TM9SF3: variants seen among roughly 807,000 people sequenced by gnomAD.
TM9SF3 encodes transmembrane 9 superfamily member 3, also known as SM-11044-binding protein.
A neutral mutation model predicts 78.6 loss-of-function variants in TM9SF3; 14 were observed. That is an observed-to-expected ratio of 0.18 (90% CI 0.12 to 0.28). The LOEUF (loss-of-function observed/expected upper bound fraction) is 0.28, where lower values mean the gene tolerates loss of function less well. Among genes scored for constraint, TM9SF3 ranks in the 10% least tolerant of loss-of-function variants. The pLI, the probability that TM9SF3 is intolerant of heterozygous loss-of-function variation, is 1.00. For missense variants in TM9SF3, 496 were observed against 721.9 expected (o/e 0.69, Z 3.59); for synonymous variants, 231 against 241.7 (o/e 0.96, Z 0.41).
intron 9 of TM9SF3, among the ~76,000 whole-genome samples, chr10:96,539,827 A>C (rs185881220): frequency 0.013 from 1,962 of 152,308 alleles, 30 homozygotes; most frequent in Non-Finnish European, 0.016. Flanking sequence ...TCCAAAAAAA[A>C]AGAACAAAAA....
intron 9 of TM9SF3, among the ~76,000 whole-genome samples, chr10:96,540,349 T>A (rs1848007862): frequency 6.6e-6 from 1 of 152,166 alleles, no homozygotes; most frequent in East Asian, 1.9e-4. Flanking sequence ...GAAAAGTAAA[T>A]TTGCCCATCC....
chr10:96,542,681 T>C (rs1230087984), intron 9 of TM9SF3, among the ~76,000 whole-genome samples: 1 of 152,160 alleles, frequency 6.6e-6, no homozygotes, highest in Non-Finnish European at 1.5e-5. Flanking sequence ...ACTCACTCTA[T>C]GTACTTTCTG....
At position 96,521,181 on chromosome 10, in the gene TM9SF3, A is replaced by G. The variant is rs1460573879; in HGVS notation, c.*1082T>C. On this transcript the variant is annotated 3_prime_UTR_variant, in exon 15 of 15. Coordinates refer to ENST00000371142, the MANE Select transcript of TM9SF3 (RefSeq NM_020123.4). ...ACACACACATTTTGAAGAAACCCCA[A>G]TGTTTCATGCAATGGTAGGCAAGAT... 3.3e-6 allele frequency: 1 copy of G among 307,126 alleles called. No individual in the cohort carries two copies. The highest frequency in any genetic ancestry group is 6.0e-6 in the Non-Finnish European group (1 of 167,930). 19.0% of individuals were successfully genotyped at this position (307,126 alleles called of 1,614,324 possible). A position where few individuals can be genotyped will look rare whatever the true frequency, so the allele number is the denominator to read the frequency against.
At chr10:96,558,497 T>C (rs1267904164) in intron 5 of TM9SF3, among the ~76,000 whole-genome samples, 2 of 151,804 alleles carry the variant, frequency 1.3e-5, no homozygotes, top group African/African-American at 2.4e-5. Context: ...AATACAAAAA[T>C]TAGCCGGGCA....
chr10:96,546,232 C>T (rs975116399), intron 8 of TM9SF3, among the ~76,000 whole-genome samples: 4 of 152,132 alleles, frequency 2.6e-5, no homozygotes, highest in African/African-American at 4.8e-5. Flanking sequence ...GAGGCTTGAT[C>T]GGACAAAATA....
intron 1 of TM9SF3, among the ~76,000 whole-genome samples, chr10:96,585,245 T>C (rs535384201): frequency 1.9e-3 from 286 of 152,310 alleles, no homozygotes; most frequent in Middle Eastern, 3.4e-3. Context: ...TAAGTGTTTT[T>C]TTAATTGGAA....
At chr10:96,569,172 A>C (rs1297443346) in intron 2 of TM9SF3, among the ~76,000 whole-genome samples, 3 of 152,202 alleles carry the variant, frequency 2.0e-5, no homozygotes, top group Non-Finnish European at 4.4e-5. Flanking sequence ...CTGTCTCCAA[A>C]AAAAGAAAAA....
chr10:96,571,059 A>C (rs1000459969), intron 2 of TM9SF3, among the ~76,000 whole-genome samples: 1 of 152,144 alleles, frequency 6.6e-6, no homozygotes. Context: ...AGATTTTAAC[A>C]AATTTTTAGG....
intron 3 of TM9SF3, among the ~76,000 whole-genome samples, chr10:96,563,424 A>G (rs1222046091): frequency 6.6e-6 from 1 of 151,428 alleles, no homozygotes; most frequent in Admixed American, 6.6e-5. Context: ...CAGGCTGGAT[A>G]GAGTGCAAAG....
intron 8 of TM9SF3, among the ~76,000 whole-genome samples, chr10:96,545,235 C>G (rs964123770): frequency 1.3e-5 from 2 of 152,156 alleles, no homozygotes; most frequent in African/African-American, 4.8e-5. Context: ...GAATCACTAT[C>G]AAAATTCAAT....
In TM9SF3 at chr10:96,547,757, C is replaced by CT. The variant is rs202104767; in HGVS notation, c.1054+137dup. 1.4e-3 allele frequency: 919 copies of CT among 647,062 alleles called. 18 individuals are homozygous for CT. The East Asian group carries it at 0.023, about 16-fold the overall frequency. The allele number at this position is 647,062 out of a possible 1,614,324, so 40.1% of individuals were successfully genotyped here. ...ATCGCTTGAACCCAGGAGGTGGAGA[C>CT]TGCAGTGAGCAGAGATTGCACCACT... On this transcript the variant is annotated intron_variant, in intron 8 of 14. Coordinates refer to ENST00000371142, the MANE Select transcript of TM9SF3 (RefSeq NM_020123.4).
chr10:96,565,145 C>A (rs1202011524), intron 3 of TM9SF3, among the ~76,000 whole-genome samples, 159 bp downstream of exon 3: 1 of 152,098 alleles, frequency 6.6e-6, no homozygotes, highest in East Asian at 1.9e-4. Flanking sequence ...ATTCTTCAAG[C>A]AACAGGTGAC....
intron 9 of TM9SF3, among the ~76,000 whole-genome samples, chr10:96,533,667 T>C (rs933598279): frequency 3.9e-5 from 6 of 152,186 alleles, no homozygotes; most frequent in African/African-American, 1.4e-4. Context: ...GCATAGCTAG[T>C]GGAGAGCCAG....
intron 2 of TM9SF3, among the ~76,000 whole-genome samples, chr10:96,573,590 TGAAAA>T (rs1397617185): frequency 6.6e-6 from 1 of 152,176 alleles, no homozygotes; most frequent in Non-Finnish European, 1.5e-5. Context: ...TAGCTTAGTC[TGAAAA>T]GAAAATAAAT....
chr10:96,573,171 C>T (rs1011315276), intron 2 of TM9SF3, among the ~76,000 whole-genome samples: 10 of 152,116 alleles, frequency 6.6e-5, no homozygotes, highest in South Asian at 2.1e-4. Context: ...TAAGAACACA[C>T]GGTAAATATT....
At chr10:96,525,720 C>G (rs772016268) in intron 14 of TM9SF3, among the ~76,000 whole-genome samples, 1 of 152,022 alleles carries the variant, frequency 6.6e-6, no homozygotes, top group African/African-American at 2.4e-5. Context: ...TGATTAGTCC[C>G]GCAGCCTTAC....
chr10:96,586,628 A>AG, intron 1 of TM9SF3, 106 bp downstream of exon 1: 1 of 952,816 alleles, frequency 1.0e-6, no homozygotes, highest in African/African-American at 1.7e-5. Context: ...CTCGGGCCGC[A>AG]GTGGGGCACC....
chr10:96,527,512 G>T lies in TM9SF3; in HGVS notation c.1542-16C>A. On this transcript the variant is annotated splice_polypyrimidine_tract_variant and intron_variant, in intron 12 of 14. Transcript: ENST00000371142. ...TGTCCATTGCCTGGTGGGGGGAGGG[G>T]GAAAGAAGATAAATCTCTTTTGAAT... The T allele has an allele frequency of 6.3e-7, 1 of 1,582,464 alleles. No individual in the cohort carries two copies. Among genetic ancestry groups the T allele is most frequent in the Non-Finnish European group, 8.6e-7 (1 of 1,159,592 alleles).
chr10:96,570,887 T>C (rs1001131204), intron 2 of TM9SF3, among the ~76,000 whole-genome samples: 1 of 151,958 alleles, frequency 6.6e-6, no homozygotes, highest in African/African-American at 2.4e-5. Context: ...CTGGGATTAT[T>C]ACAGGTCCCC....
Sources: allele counts gnomAD v4.1 joint callset (sites outside exome capture counted in the v4.1 genomes callset), GRCh38; gene constraint gnomAD v4.1.1; transcripts MANE v1.5; gene names NCBI Gene and HGNC (gene_info 2026-07-23, HGNC 2026-07-21).